The following KIAA1328 variants were observed in gnomAD, a reference collection of about 807,000 sequenced individuals.
KIAA1328 encodes the protein protein hinderin.
Under a neutral mutation model 68.1 loss-of-function variants are expected in KIAA1328, and 52 were observed. The observed-to-expected ratio is 0.76, with a 90% CI of 0.61 to 0.96. KIAA1328 has a LOEUF of 0.96. KIAA1328 is among the 40% of genes least tolerant of loss of function. The pLI is 0.00. For missense variants in KIAA1328, 641 were observed against 677.6 expected (o/e 0.95, Z 0.60); for synonymous variants, 232 against 239.4 (o/e 0.97, Z 0.28).
intron 9 of KIAA1328, among the ~76,000 whole-genome samples, chr18:37,186,094 CTT>C (rs748423012): frequency 1.1e-4 from 10 of 90,446 alleles, no homozygotes; most frequent in African/African-American, 9.3e-5. Context: ...TCAAGGATGT[CTT>C]TTTTTTTTTT....
chr18:36,932,152 C>T (rs573219990), intron 5 of KIAA1328, among the ~76,000 whole-genome samples: 1 of 152,078 alleles, frequency 6.6e-6, no homozygotes, highest in East Asian at 1.9e-4. Context: ...TGACAAAGAT[C>T]GTATTAGACA....
chr18:36,960,690 C>T (rs1568218849), intron 6 of KIAA1328, among the ~76,000 whole-genome samples: 1 of 152,176 alleles, frequency 6.6e-6, no homozygotes, highest in African/African-American at 2.4e-5. Context: ...AGTGGACTTC[C>T]AGCAAACACC....
intron 6 of KIAA1328, among the ~76,000 whole-genome samples, chr18:37,041,856 G>C (rs887865821): frequency 3.3e-5 from 5 of 151,874 alleles, no homozygotes; most frequent in Admixed American, 2.6e-4. Flanking sequence ...TCTATTTGCT[G>C]TGCTGTTATT....
At chr18:36,873,808 A>T (rs1229135523) in intron 4 of KIAA1328, among the ~76,000 whole-genome samples, 1 of 152,108 alleles carries the variant, frequency 6.6e-6, no homozygotes, top group African/African-American at 2.4e-5. Context: ...CATCTACATT[A>T]AGTATTTCTC....
chr18:37,029,735 T>C (rs1464687288), intron 6 of KIAA1328, among the ~76,000 whole-genome samples: 1 of 152,192 alleles, frequency 6.6e-6, no homozygotes, highest in Non-Finnish European at 1.5e-5. Flanking sequence ...TAATTCTGGC[T>C]TTGGTAAATC....
intron 5 of KIAA1328, among the ~76,000 whole-genome samples, chr18:36,958,386 A>G (rs1299786275): frequency 1.3e-5 from 2 of 152,160 alleles, no homozygotes; most frequent in African/African-American, 4.8e-5. Flanking sequence ...GCTGGGTCAT[A>G]TGTCAAAATA....
intron 7 of KIAA1328, among the ~76,000 whole-genome samples, chr18:37,096,282 G>A (rs8083340): frequency 0.13 from 20,285 of 152,024 alleles, 1,742 homozygotes; most frequent in Non-Finnish European, 0.18. Flanking sequence ...CTGTGTCCAT[G>A]TGTTCTCATT....
intron 6 of KIAA1328, 28 bp downstream of exon 6, chr18:36,959,463 G>A: frequency 1.9e-6 from 3 of 1,594,904 alleles, no homozygotes; most frequent in Non-Finnish European, 2.6e-6. Flanking sequence ...TACTTTTCTT[G>A]TCTTCAGTGG....
At chr18:37,175,862 C>T (rs1402390216) in intron 9 of KIAA1328, among the ~76,000 whole-genome samples, 1 of 152,128 alleles carries the variant, frequency 6.6e-6, no homozygotes, top group Non-Finnish European at 1.5e-5. Flanking sequence ...CAAGAATTTT[C>T]AAGACCTGCA....
chr18:36,913,543 T>TACACACACACACACACACACACAC (rs34096013), intron 5 of KIAA1328, among the ~76,000 whole-genome samples: 3 of 131,500 alleles, frequency 2.3e-5, no homozygotes, highest in Non-Finnish European at 3.2e-5. Flanking sequence ...AGCAACTGCC[T>TACACACACACACACACACACACAC]ACACACACAC....
intron 7 of KIAA1328, among the ~76,000 whole-genome samples, chr18:37,115,504 G>A (rs1194281968): frequency 2.0e-5 from 3 of 152,160 alleles, no homozygotes; most frequent in Non-Finnish European, 4.4e-5. Flanking sequence ...AGGTATTGAT[G>A]GGACGTATCT....
intron 6 of KIAA1328, among the ~76,000 whole-genome samples, chr18:36,988,481 A>G (rs2053036119): frequency 6.6e-6 from 1 of 152,244 alleles, no homozygotes; most frequent in African/African-American, 2.4e-5. Flanking sequence ...ATTCTAAGAT[A>G]CAGTTCATAG....
intron 9 of KIAA1328, among the ~76,000 whole-genome samples, chr18:37,188,729 A>G (rs1359864431): frequency 1.3e-5 from 2 of 152,236 alleles, no homozygotes; most frequent in Non-Finnish European, 2.9e-5. Context: ...CTTTGGATAG[A>G]AATATTTTTG....
intron 7 of KIAA1328, among the ~76,000 whole-genome samples, chr18:37,070,696 G>A (rs1178699501): frequency 2.6e-5 from 4 of 151,344 alleles, no homozygotes; most frequent in East Asian, 2.0e-4. Flanking sequence ...TCAGCCTCCC[G>A]AATAGCTGGG....
At chr18:37,078,209 A>G (rs1481169229) in intron 7 of KIAA1328, among the ~76,000 whole-genome samples, 1 of 152,230 alleles carries the variant, frequency 6.6e-6, no homozygotes, top group Non-Finnish European at 1.5e-5. Flanking sequence ...GACAAATCTG[A>G]GAAAAACAAG....
At chr18:37,030,058 T>A (rs2054760360) in intron 6 of KIAA1328, among the ~76,000 whole-genome samples, 1 of 152,174 alleles carries the variant, frequency 6.6e-6, no homozygotes, top group African/African-American at 2.4e-5. Flanking sequence ...ATTTGCCACT[T>A]TTTCATTTTT....
chr18:36,953,349 G>A (rs2051245030), intron 5 of KIAA1328, among the ~76,000 whole-genome samples: 1 of 146,742 alleles, frequency 6.8e-6, no homozygotes, highest in African/African-American at 2.5e-5. Context: ...AGGGGGCAAA[G>A]CAGATATAGC....
intron 9 of KIAA1328, among the ~76,000 whole-genome samples, chr18:37,216,396 G>T (rs1340417985): frequency 6.6e-6 from 1 of 151,990 alleles, no homozygotes; most frequent in East Asian, 1.9e-4. Context: ...CCTTCATTTT[G>T]TTATTTACTC....
intron 5 of KIAA1328, among the ~76,000 whole-genome samples, chr18:36,950,784 A>G (rs2051128701): frequency 6.6e-6 from 1 of 152,192 alleles, no homozygotes; most frequent in East Asian, 1.9e-4. Flanking sequence ...TCTGTGAGTA[A>G]TGGATTGCTT....
Sources: gnomAD v4.1 joint callset for allele counts (sites outside exome capture counted in the v4.1 genomes callset) on GRCh38, gnomAD v4.1.1 for gene constraint, MANE v1.5 for transcripts, NCBI Gene and HGNC (gene_info 2026-07-23, HGNC 2026-07-21) for gene names.